Variants in GRSF1 observed in about 807,000 individuals in gnomAD.
GRSF1 encodes G-rich sequence factor 1.
A neutral mutation model predicts 51.1 loss-of-function variants in GRSF1; 50 were observed. The ratio of observed to expected loss-of-function variants is 0.98; its 90% CI spans 0.78 to 1.24. The LOEUF (loss-of-function observed/expected upper bound fraction) is 1.24. Ranked by LOEUF, GRSF1 falls within the 50% of genes most tolerant of loss-of-function variation. The probability of loss-of-function intolerance (pLI) is 0.00; values close to 1 mark genes in which losing one functional copy is unlikely to be tolerated. For synonymous variants in GRSF1, 293 were observed against 253.3 expected (o/e 1.16, Z -1.49); for missense variants, 700 against 639.7 (o/e 1.09, Z -1.02).
chr4:70,827,193 CAG>C (rs1333381094), intron 6 of GRSF1, among the ~76,000 whole-genome samples: 2 of 151,212 alleles, frequency 1.3e-5, no homozygotes, highest in African/African-American at 4.9e-5. Flanking sequence ...GAGGCTGAGG[CAG>C]GATGATGGCG....
At chr4:70,836,077 C>G in intron 2 of GRSF1, 81 bp downstream of exon 2, 1 of 789,718 alleles carries the variant, frequency 1.3e-6, no homozygotes, top group Non-Finnish European at 1.9e-6. Context: ...GACAAAATTA[C>G]ATACTTAAAA....
At chr4:70,830,738 G>C (rs1353231519) in intron 5 of GRSF1, among the ~76,000 whole-genome samples, 1 of 151,360 alleles carries the variant, frequency 6.6e-6, no homozygotes, top group Non-Finnish European at 1.5e-5. Context: ...AGGATCACAT[G>C]AAACTGGGAG....
rs1308483161 is a variant in GRSF1 at position 70,817,025 on chromosome 4, A to T, written c.*3862T>A. The T allele has an allele frequency of 6.7e-6, 1 of 148,904 alleles. No individual in the cohort carries two copies. The highest frequency in any genetic ancestry group is 1.5e-5 in the Non-Finnish European group (1 of 67,982). The allele number at this position is 148,904 out of a possible 1,614,324, so 9.2% of individuals were successfully genotyped here. ...ATTTTTAAAAGAAATGACAACACCC[A>T]CTAACACTTGCTTATAAATAAAGTA... On this transcript the variant is annotated 3_prime_UTR_variant, in exon 10 of 10. Coordinates refer to ENST00000254799, the MANE Select transcript of GRSF1 (RefSeq NM_002092.4).
At position 70,833,061 on chromosome 4, in the gene GRSF1, G is replaced by T. The variant is rs1016553277; in HGVS notation, c.670+57C>A. On this transcript the variant is annotated intron_variant, in intron 3 of 9. Transcript: ENST00000254799. ...TTAAGGATCAAATAAAAACTACCTTGAAAAGTATAAAACCTAATGCAATGA... is the reference window on the plus strand; with the variant it reads ...TTAAGGATCAAATAAAAACTACCTTTAAAAGTATAAAACCTAATGCAATGA... The T allele has an allele frequency of 3.4e-6, 5 of 1,478,046 alleles. No individual in the cohort carries two copies. The African/African-American group carries it at 7.0e-5, about 21-fold the overall frequency. The allele number at this position is 1,478,046 out of a possible 1,614,324, so 91.6% of individuals were successfully genotyped here.
chr4:70,837,393 T>C (rs539954645), intron 1 of GRSF1, among the ~76,000 whole-genome samples: 28 of 151,706 alleles, frequency 1.8e-4, no homozygotes, highest in African/African-American at 6.5e-4. Flanking sequence ...CAAAACCCCA[T>C]CTCTACTAAA....
At position 70,826,124 on chromosome 4, in the gene GRSF1, G is replaced by A. The variant is rs201011176; in HGVS notation, c.1257C>T (p.Asn419=). The change falls in exon 7 of 10, where the codon AAC becomes AAT. Residue 419 remains asparagine (N), a splice_region_variant and synonymous_variant. Coordinates refer to ENST00000254799, the MANE Select transcript of GRSF1 (RefSeq NM_002092.4). The stretch of plus-strand genomic sequence containing the variant: ...GATTGGATATCTTACTGCCACACAC[G>A]TTTATAATGTCTTGGGCATTGGCTT... ...PFQANAQDII[N]FFAPLKPVRI... 2.2e-5 allele frequency: 35 copies of A among 1,608,688 alleles called. No individual in the cohort carries two copies. The highest frequency in any genetic ancestry group is 2.5e-5 in the Non-Finnish European group (30 of 1,176,978).
rs757956893 is a variant in GRSF1 at position 70,839,388 on chromosome 4, C to CACGGAGGG, written c.357+75_357+82dup. 53 of 1,508,546 alleles carry CACGGAGGG rather than the reference C, an allele frequency of 3.5e-5. No homozygotes were observed. In the South Asian group the frequency reaches 4.2e-4, roughly 12 times the overall value. The allele number at this position is 1,508,546 out of a possible 1,614,324, so 93.4% of individuals were successfully genotyped here. A position where few individuals can be genotyped will look rare whatever the true frequency, so the allele number is the denominator to read the frequency against. ...TCCCCGGGCGTGCCCGCGAGGCGCA[C>CACGGAGGG]ACGGAGGGACGGAGGGGCGCGGGGG... On this transcript the variant is annotated intron_variant, in intron 1 of 9. Coordinates refer to ENST00000254799, the MANE Select transcript of GRSF1 (RefSeq NM_002092.4).
chr4:70,831,744 A>C, intron 4 of GRSF1, 70 bp from the exon 5 acceptor site: 1 of 1,342,944 alleles, frequency 7.4e-7, no homozygotes. Context: ...CATCATTCAC[A>C]TACTAATAAA....
At chr4:70,839,101 C>T (rs1015442455) in intron 1 of GRSF1, 2 of 1,286,712 alleles carry the variant, frequency 1.6e-6, no homozygotes, top group African/African-American at 3.0e-5. Context: ...CGGGCTCGGG[C>T]CTCGCAACTT....
intron 1 of GRSF1, 41 bp downstream of exon 1, chr4:70,839,430 G>T (rs1304271366): frequency 2.7e-6 from 4 of 1,490,298 alleles, no homozygotes; most frequent in South Asian, 1.2e-5. Flanking sequence ...CACGCGGCCC[G>T]GGAGGGATCT....
rs2148832074 is a variant in GRSF1, at chr4:70,818,376, A to G, written c.*2511T>C. ...GTAAGGGCTGTTCAGGGCAGAGGACATTAACAAGGCATGTTGATTAATAAG... is the reference window on the plus strand; with the variant it reads ...GTAAGGGCTGTTCAGGGCAGAGGACGTTAACAAGGCATGTTGATTAATAAG... On this transcript the variant is annotated 3_prime_UTR_variant, in exon 10 of 10. Transcript: ENST00000254799. 6.6e-6 allele frequency: 1 copy of G among 152,362 alleles called. No individual in the cohort carries two copies. The highest frequency in any genetic ancestry group is 2.1e-4 in the South Asian group (1 of 4,832). 9.4% of individuals were successfully genotyped at this position (152,362 alleles called of 1,614,324 possible). A position where few individuals can be genotyped will look rare whatever the true frequency, so the allele number is the denominator to read the frequency against.
upstream of GRSF1, among the ~76,000 whole-genome samples, chr4:70,842,351 A>G (rs953983475): frequency 6.6e-6 from 1 of 152,212 alleles, no homozygotes; most frequent in East Asian, 1.9e-4. Context: ...TAACTTCCCA[A>G]GGAAAACAAA....
intron 6 of GRSF1, among the ~76,000 whole-genome samples, chr4:70,827,015 C>CACCA (rs1223507095): frequency 1.3e-5 from 2 of 152,158 alleles, no homozygotes; most frequent in African/African-American, 4.8e-5. Context: ...CAGGCGGGCA[C>CACCA]AGTGGCTCAT....
chr4:70,823,974 C>CTT (rs577909875), intron 9 of GRSF1, among the ~76,000 whole-genome samples: 1,499 of 100,828 alleles, frequency 0.015, 148 homozygotes, highest in Middle Eastern at 0.038. Context: ...TTGTATCTCT[C>CTT]TCTTTTTTTT....
chr4:70,825,382 C>T lies in GRSF1; in HGVS notation c.1307G>A (p.Ser436Asn). Residue 436 changes from serine to asparagine, a missense_variant, in exon 8 of 10, where the codon AGT becomes AAT. By Grantham distance (46) the Ser-to-Asn change is conservative. Coordinates refer to ENST00000254799, the MANE Select transcript of GRSF1 (RefSeq NM_002092.4). Reference protein sequence around the residue: ...PVRITMEYSSSGKATGEADVH... With the variant: ...PVRITMEYSSNGKATGEADVH... Reference sequence around the variant, plus strand: ...ATCAGCTTCTCCAGTGGCCTTCCCACTGGAGCTGTATTCCATGGTGATTCT... The same window carrying T: ...ATCAGCTTCTCCAGTGGCCTTCCCATTGGAGCTGTATTCCATGGTGATTCT... 1 of 1,612,140 alleles carries T rather than the reference C, an allele frequency of 6.2e-7. No individual in the cohort carries two copies. Among genetic ancestry groups the T allele is most frequent in the Non-Finnish European group, 8.5e-7 (1 of 1,178,796 alleles).
At chr4:70,839,258 G>A in intron 1 of GRSF1, 4 of 1,483,692 alleles carry the variant, frequency 2.7e-6, no homozygotes, top group South Asian at 2.4e-5. Flanking sequence ...CTCGAGGCGA[G>A]AACAAAACAA....
In GRSF1 at chr4:70,833,298, T is replaced by A. The variant is rs529302967; in HGVS notation, c.515-25A>T. 23 of 1,603,404 alleles carry A rather than the reference T, an allele frequency of 1.4e-5. No individual in the cohort carries two copies. In the Admixed American group the frequency reaches 3.8e-4, roughly 26 times the overall value. On this transcript the variant is annotated intron_variant, in intron 2 of 9. Transcript: ENST00000254799. ...TCTAAAAGTGTATGAGCAAAATCAA[T>A]TGAAAACAGAAATCAAACTTTTAGC... is the stretch of plus-strand genomic sequence containing the variant.
intron 3 of GRSF1, 121 bp from the exon 4 acceptor site, chr4:70,832,571 G>A (rs1039523107): frequency 2.3e-4 from 142 of 609,730 alleles, no homozygotes; most frequent in African/African-American, 2.1e-3. Flanking sequence ...TAATCTTTAT[G>A]CGCTTCTCTA....
chr4:70,839,946 G>A (rs1213169208), upstream of GRSF1: 1 of 852,104 alleles, frequency 1.2e-6, no homozygotes, highest in South Asian at 2.0e-5. Flanking sequence ...CGCGGGCACT[G>A]GGTGGGGGGC....
Sources: allele counts gnomAD v4.1 joint callset (sites outside exome capture counted in the v4.1 genomes callset), GRCh38; gene constraint gnomAD v4.1.1; transcripts MANE v1.5; gene names NCBI Gene and HGNC (gene_info 2026-07-23, HGNC 2026-07-21).